CSDE1: variants seen among roughly 807,000 people sequenced by gnomAD.
CSDE1 encodes the protein cold shock domain containing E1.
Under a neutral mutation model 89.3 loss-of-function variants are expected in CSDE1, and 17 were observed. The observed-to-expected ratio is 0.19, with a 90% confidence interval of 0.13 to 0.29. The LOEUF (loss-of-function observed/expected upper bound fraction) is 0.29. CSDE1 is among the 10% of genes least tolerant of loss of function. The pLI, the probability that CSDE1 is intolerant of heterozygous loss-of-function variation, is 1.00. For synonymous variants in CSDE1, 322 were observed against 332.8 expected, an observed-to-expected ratio of 0.97 and a Z score of 0.35; for missense variants, 672 against 984.2, an observed-to-expected ratio of 0.68 and a Z score of 4.24.
rs1047014818 is a variant in CSDE1 at position 114,717,825 on chromosome 1, T to G, written c.*344A>C. 3.7e-6 allele frequency: 1 copy of G among 268,220 alleles called. No homozygotes were observed. Among genetic ancestry groups the G allele is most frequent in the African/African-American group, 2.2e-5 (1 of 44,996 alleles). 16.6% of individuals were successfully genotyped at this position (268,220 alleles called of 1,614,324 possible). A position where few individuals can be genotyped will look rare whatever the true frequency, so the allele number is the denominator to read the frequency against. On this transcript the variant is annotated 3_prime_UTR_variant, in exon 20 of 20. Coordinates refer to ENST00000358528, the MANE Select transcript of CSDE1 (RefSeq NM_001007553.3). ...ATATAATGAAAAGTGCAGAATTTCATAGGGCCAACAAGATAACAGTCTATA... is the reference window on the plus strand; with the variant it reads ...ATATAATGAAAAGTGCAGAATTTCAGAGGGCCAACAAGATAACAGTCTATA...
At chr1:114,740,921 A>T (rs1205266423) in intron 2 of CSDE1, among the ~76,000 whole-genome samples, 1 of 152,246 alleles carries the variant, frequency 6.6e-6, no homozygotes, top group Non-Finnish European at 1.5e-5. Flanking sequence ...TAAAAAGGAT[A>T]TATTTTCACT....
intron 1 of CSDE1, among the ~76,000 whole-genome samples, chr1:114,751,878 T>A (rs1021578749): frequency 3.0e-4 from 46 of 152,326 alleles, no homozygotes; most frequent in African/African-American, 1.1e-3. Context: ...TCCTACTAAG[T>A]GACATATTTT....
chr1:114,720,269 C>G (rs1659443014), intron 17 of CSDE1: 2 of 348,502 alleles, frequency 5.7e-6, no homozygotes. Context: ...CCATATAGTC[C>G]TTCTATTCTG....
intron 2 of CSDE1, among the ~76,000 whole-genome samples, chr1:114,741,834 A>AT (rs964073404): frequency 2.0e-5 from 3 of 152,068 alleles, no homozygotes; most frequent in Non-Finnish European, 4.4e-5. Context: ...GGTGAAATGT[A>AT]TTTTTTTTAA....
chr1:114,732,850 T>C, intron 9 of CSDE1, 34 bp from the exon 10 acceptor site: 1 of 1,524,388 alleles, frequency 6.6e-7, no homozygotes. Flanking sequence ...TAGCTGGAGA[T>C]TTCTCATCCT....
At chr1:114,720,050 T>C (rs185960763) in intron 17 of CSDE1, among the ~76,000 whole-genome samples, 104 of 152,344 alleles carry the variant, frequency 6.8e-4, no homozygotes, top group African/African-American at 2.5e-3. Context: ...TTGGATCCCC[T>C]CTAGAATTAA....
chr1:114,733,129 A>G (rs909550292), intron 9 of CSDE1, among the ~76,000 whole-genome samples: 1 of 152,160 alleles, frequency 6.6e-6, no homozygotes, highest in Non-Finnish European at 1.5e-5. Context: ...GCAGGGGCAG[A>G]GGAGGGAACA....
intron 14 of CSDE1, among the ~76,000 whole-genome samples, chr1:114,725,579 T>C (rs2101021476): frequency 6.6e-6 from 1 of 152,220 alleles, no homozygotes; most frequent in East Asian, 1.9e-4. Context: ...ATTACACAGG[T>C]ATAAAGTGGC....
chr1:114,725,787 C>A (rs753617241), intron 14 of CSDE1, among the ~76,000 whole-genome samples: 1 of 152,148 alleles, frequency 6.6e-6, no homozygotes, highest in Non-Finnish European at 1.5e-5. Context: ...AGGTATGCAC[C>A]ACCATGTCAG....
chr1:114,719,278 G>A (rs539199975), intron 18 of CSDE1, among the ~76,000 whole-genome samples: 11 of 152,172 alleles, frequency 7.2e-5, no homozygotes, highest in Non-Finnish European at 1.5e-4. Context: ...CTGGGTAACC[G>A]AATCAGACTG....
At chr1:114,738,372 T>C (rs1270475521) in intron 3 of CSDE1, among the ~76,000 whole-genome samples, 1 of 152,182 alleles carries the variant, frequency 6.6e-6, no homozygotes, top group East Asian at 1.9e-4. Context: ...AAGATAGCCA[T>C]GTCTTAATCT....
intron 2 of CSDE1, among the ~76,000 whole-genome samples, chr1:114,740,403 ATACT>A (rs777115773): frequency 1.3e-5 from 2 of 152,340 alleles, no homozygotes; most frequent in East Asian, 1.9e-4. Flanking sequence ...TTTCTATGCA[ATACT>A]TAAACTAGAA....
intron 2 of CSDE1, among the ~76,000 whole-genome samples, chr1:114,740,558 T>G (rs1468282901): frequency 6.6e-6 from 1 of 152,192 alleles, no homozygotes; most frequent in East Asian, 1.9e-4. Flanking sequence ...ACAGGTACAT[T>G]TAAAGAAATC....
intron 3 of CSDE1, among the ~76,000 whole-genome samples, chr1:114,738,724 G>A (rs1219843447): frequency 7.7e-6 from 1 of 130,484 alleles, no homozygotes; most frequent in Non-Finnish European, 1.5e-5. Context: ...AAGCTGGAGT[G>A]CAGCGGCACG....
At chr1:114,725,406 A>C (rs1659739073) in intron 14 of CSDE1, 73 bp from the exon 15 acceptor site, 1 of 1,132,760 alleles carries the variant, frequency 8.8e-7, no homozygotes, top group Non-Finnish European at 1.3e-6. Context: ...TCTTTATTTT[A>C]CAGTAACAGT....
At chr1:114,739,919 A>G (rs377695463) in intron 2 of CSDE1, 29 bp from the exon 3 acceptor site, 14 of 1,535,532 alleles carry the variant, frequency 9.1e-6, no homozygotes, top group Non-Finnish European at 1.3e-5. Flanking sequence ...GAATATATAC[A>G]TATCTGTACA....
chr1:114,724,230 T>C (rs1020069619), intron 15 of CSDE1: 8 of 339,306 alleles, frequency 2.4e-5, no homozygotes, highest in African/African-American at 1.1e-4. Flanking sequence ...ATTGTTTAAA[T>C]AAAATTGTTT....
intron 1 of CSDE1, among the ~76,000 whole-genome samples, chr1:114,750,650 T>C (rs1661253363): frequency 6.6e-6 from 1 of 152,094 alleles, no homozygotes; most frequent in South Asian, 2.1e-4. Context: ...AATTAGTATC[T>C]AGGTATCTAT....
chr1:114,745,768 A>G (rs2101073090), intron 2 of CSDE1, among the ~76,000 whole-genome samples: 1 of 152,336 alleles, frequency 6.6e-6, no homozygotes, highest in Non-Finnish European at 1.5e-5. Context: ...TCCTTTAATA[A>G]AAGCAGAAAT....
Sources: allele counts gnomAD v4.1 joint callset (sites outside exome capture counted in the v4.1 genomes callset), GRCh38; gene constraint gnomAD v4.1.1; transcripts MANE v1.5; gene names NCBI Gene and HGNC (gene_info 2026-07-23, HGNC 2026-07-21).